LSAMP: variants seen among roughly 807,000 people sequenced by gnomAD.
The protein encoded by LSAMP is limbic system associated membrane protein.
In LSAMP, 7 loss-of-function variants were observed where a neutral mutation model predicts 38.6. The observed-to-expected ratio is 0.18, with a 90% CI of 0.10 to 0.34. The LOEUF (loss-of-function observed/expected upper bound fraction) is 0.34. Among genes scored for constraint, LSAMP ranks in the 10% least tolerant of loss-of-function variants. LSAMP has a pLI of 1.00. For missense variants in LSAMP, 313 were observed against 420.0 expected, an observed-to-expected ratio of 0.75 and a Z score of 2.23; for synonymous variants, 154 against 166.8, an observed-to-expected ratio of 0.92 and a Z score of 0.59.
At position 115,811,563 on chromosome 3, in the gene LSAMP, A is replaced by AGTGT. The variant is rs72037804; in HGVS notation, c.920-1153_920-1150dup. Among the ~76,000 whole-genome samples, 10 of 150,312 alleles carry AGTGT rather than the reference A, an allele frequency of 6.7e-5. No homozygotes were observed. The East Asian group carries it at 9.8e-4, about 15-fold the overall frequency. On this transcript the variant is annotated intron_variant, in intron 6 of 6. Coordinates refer to ENST00000490035, the MANE Select transcript of LSAMP (RefSeq NM_002338.5). ...TGCGTATGCAGATGGATTATGTGTG[A>AGTGT]GTGTGTGTGTGTGTGTGTGTGTAAA...
At chr3:116,399,239 G>A (rs111742917) in intron 1 of LSAMP, among the ~76,000 whole-genome samples, 9 of 152,296 alleles carry the variant, frequency 5.9e-5, no homozygotes, top group African/African-American at 1.9e-4. Flanking sequence ...TTAAATAATT[G>A]TAAGAAAAGC....
chr3:115,915,909 T>C (rs1383974834), intron 3 of LSAMP, among the ~76,000 whole-genome samples: 1 of 152,114 alleles, frequency 6.6e-6, no homozygotes, highest in Admixed American at 6.5e-5. Context: ...GAAATATCTT[T>C]TACTAGATAT....
intron 1 of LSAMP, among the ~76,000 whole-genome samples, chr3:116,437,823 A>G (rs1014311967): frequency 6.6e-6 from 1 of 152,184 alleles, no homozygotes; most frequent in Non-Finnish European, 1.5e-5. Flanking sequence ...ATTAAAATAC[A>G]TGAGTTCTAA....
chr3:116,436,536 G>C (rs2049351159), intron 1 of LSAMP, among the ~76,000 whole-genome samples: 1 of 152,066 alleles, frequency 6.6e-6, no homozygotes, highest in Non-Finnish European at 1.5e-5. Flanking sequence ...CTAAGGATGT[G>C]AATAGACAAT....
chr3:115,982,792 ATTTATT>A (rs1056125360), intron 3 of LSAMP, among the ~76,000 whole-genome samples: 1 of 151,654 alleles, frequency 6.6e-6, no homozygotes, highest in Non-Finnish European at 1.5e-5. Flanking sequence ...AGTACCTGAG[ATTTATT>A]TTTATTTTTA....
At chr3:116,268,853 A>C (rs2046931433) in intron 1 of LSAMP, among the ~76,000 whole-genome samples, 1 of 152,094 alleles carries the variant, frequency 6.6e-6, no homozygotes, top group South Asian at 2.1e-4. Context: ...TTCATGGAGA[A>C]TAGAAATGGA....
intron 2 of LSAMP, among the ~76,000 whole-genome samples, chr3:116,082,703 G>T (rs1286280460): frequency 6.6e-6 from 1 of 152,144 alleles, no homozygotes; most frequent in Non-Finnish European, 1.5e-5. Flanking sequence ...ATATTATGCA[G>T]CCATAAAAAA....
chr3:116,220,395 A>ACAC (rs2046269524), intron 1 of LSAMP, among the ~76,000 whole-genome samples: 1 of 146,964 alleles, frequency 6.8e-6, no homozygotes, highest in African/African-American at 2.5e-5. Context: ...ACACACACAC[A>ACAC]AAAGATACTT....
intron 1 of LSAMP, among the ~76,000 whole-genome samples, chr3:116,346,327 C>CTTT (rs11391341): frequency 7.2e-4 from 103 of 142,100 alleles, no homozygotes; most frequent in East Asian, 1.5e-3. Context: ...TTAGTTTTAT[C>CTTT]TTTTTTTTTT....
chr3:116,382,190 A>G (rs1343645154), intron 1 of LSAMP, among the ~76,000 whole-genome samples: 2 of 152,116 alleles, frequency 1.3e-5, no homozygotes, highest in Non-Finnish European at 2.9e-5. Flanking sequence ...ATGCTGCTAT[A>G]AAGACACATG....
intron 1 of LSAMP, among the ~76,000 whole-genome samples, chr3:116,382,831 A>G (rs1284136122): frequency 1.3e-5 from 2 of 152,036 alleles, no homozygotes; most frequent in Non-Finnish European, 2.9e-5. Context: ...ATTTGACTTC[A>G]AGGTGAAAAA....
chr3:116,132,216 A>C (rs1462717977), intron 1 of LSAMP, among the ~76,000 whole-genome samples: 1 of 145,866 alleles, frequency 6.9e-6, no homozygotes, highest in Non-Finnish European at 1.5e-5. Context: ...GTAGCTCAAT[A>C]ACATGTTAAC....
chr3:116,172,652 A>G (rs540788355), intron 1 of LSAMP, among the ~76,000 whole-genome samples: 1 of 152,146 alleles, frequency 6.6e-6, no homozygotes, highest in South Asian at 2.1e-4. Flanking sequence ...GTTTCTCTCA[A>G]TTCTTCTCTC....
intron 2 of LSAMP, 62 bp downstream of exon 2, chr3:116,086,262 A>G (rs945391047): frequency 6.5e-6 from 8 of 1,227,948 alleles, no homozygotes; most frequent in Non-Finnish European, 9.5e-6. Context: ...AATATTTTGT[A>G]CATTATTATT....
intron 3 of LSAMP, among the ~76,000 whole-genome samples, chr3:115,915,368 T>G (rs1376154014): frequency 2.0e-5 from 3 of 152,218 alleles, no homozygotes; most frequent in Non-Finnish European, 4.4e-5. Context: ...GTAAAAGGTG[T>G]TGTTGACTAC....
At chr3:115,837,741 G>A (rs983355736) in intron 6 of LSAMP, 2 of 152,220 alleles carry the variant, frequency 1.3e-5, no homozygotes, top group Non-Finnish European at 2.9e-5. Flanking sequence ...CACAGATGCA[G>A]ATAATGTGTT....
intron 1 of LSAMP, among the ~76,000 whole-genome samples, chr3:116,268,402 C>T (rs1193041260): frequency 6.6e-6 from 1 of 152,030 alleles, no homozygotes; most frequent in Non-Finnish European, 1.5e-5. Flanking sequence ...ATGTAAGGCA[C>T]AATTTAAATT....
chr3:116,392,692 A>G (rs2048719657), intron 1 of LSAMP, among the ~76,000 whole-genome samples: 1 of 152,190 alleles, frequency 6.6e-6, no homozygotes, highest in Non-Finnish European at 1.5e-5. Context: ...TGCCAGTCCC[A>G]TGGACCAGAG....
At chr3:116,230,798 G>T (rs2046395191) in intron 1 of LSAMP, among the ~76,000 whole-genome samples, 1 of 151,968 alleles carries the variant, frequency 6.6e-6, no homozygotes, top group Non-Finnish European at 1.5e-5. Context: ...AAAACTTTTT[G>T]CCTTTATACT....
Sources: allele counts gnomAD v4.1 joint callset (sites outside exome capture counted in the v4.1 genomes callset), GRCh38; gene constraint gnomAD v4.1.1; transcripts MANE v1.5; gene names NCBI Gene and HGNC (gene_info 2026-07-23, HGNC 2026-07-21).